The following NDST3 variants were observed in gnomAD, a reference collection of about 807,000 sequenced individuals.
The protein encoded by NDST3 is N-deacetylase and N-sulfotransferase 3, also known as bifunctional heparan sulfate N-deacetylase/N-sulfotransferase 3.
A neutral mutation model predicts 96.1 loss-of-function variants in NDST3; 58 were observed. That is an observed-to-expected ratio of 0.60 (90% CI 0.49 to 0.75). NDST3 has a LOEUF of 0.75. Among genes scored for constraint, NDST3 ranks in the 30% least tolerant of loss-of-function variants. The pLI is 0.00. For synonymous variants in NDST3, 333 were observed against 359.7 expected (o/e 0.93, Z 0.84); for missense variants, 788 against 1,034.2 (o/e 0.76, Z 3.27).
intron 1 of NDST3, among the ~76,000 whole-genome samples, chr4:118,042,116 A>AT (rs1724506358): frequency 6.6e-6 from 1 of 152,042 alleles, no homozygotes; most frequent in South Asian, 2.1e-4. Context: ...TAACATTGTG[A>AT]TTTTGTTATC....
At chr4:118,082,109 T>C (rs1420678143) in intron 2 of NDST3, among the ~76,000 whole-genome samples, 1 of 152,178 alleles carries the variant, frequency 6.6e-6, no homozygotes, top group Non-Finnish European at 1.5e-5. Flanking sequence ...TCACAAAGTC[T>C]CTCTGGTACG....
intron 6 of NDST3, among the ~76,000 whole-genome samples, chr4:118,213,258 G>T (rs1738924723): frequency 6.6e-6 from 1 of 152,114 alleles, no homozygotes; most frequent in African/African-American, 2.4e-5. Flanking sequence ...CTTCCTTTAT[G>T]ATTTGTTCTT....
chr4:118,193,859 T>C lies in NDST3; in HGVS notation c.1540-30632T>C, dbSNP rs548026323. 5.6e-4 allele frequency: 655 copies of C among 1,173,962 alleles called. 7 individuals carry two copies. In the South Asian group the frequency reaches 8.1e-3, roughly 14 times the overall value. 72.7% of individuals were successfully genotyped at this position (1,173,962 alleles called of 1,614,324 possible). On this transcript the variant is annotated intron_variant, in intron 6 of 13. Transcript: ENST00000296499. ...GGCCTGTGCCTTCTGTGTTTCCTCA[T>C]TGGAAAAACTAGACTCATATTCTAC...
At chr4:118,208,217 C>T (rs76412295) in intron 6 of NDST3, among the ~76,000 whole-genome samples, 1,977 of 143,944 alleles carry the variant, frequency 0.014, 266 homozygotes, top group African/African-American at 0.048. Flanking sequence ...GGTTTAGTTA[C>T]AGTCTTTTAT....
intron 6 of NDST3, chr4:118,194,100 C>G (rs996009233): frequency 7.3e-7 from 1 of 1,367,534 alleles, no homozygotes; most frequent in Non-Finnish European, 1.0e-6. Flanking sequence ...CTAACACTGC[C>G]AAAAGCATAG....
chr4:118,168,403 T>C (rs1299613188), intron 6 of NDST3, among the ~76,000 whole-genome samples: 1 of 152,004 alleles, frequency 6.6e-6, no homozygotes, highest in East Asian at 1.9e-4. Context: ...TATATAAATA[T>C]AAGTAAGTGC....
chr4:118,068,157 A>ACTTGATCT (rs1316023911), intron 2 of NDST3, among the ~76,000 whole-genome samples: 1 of 141,088 alleles, frequency 7.1e-6, no homozygotes, highest in African/African-American at 2.6e-5. Context: ...AACAGCTTAT[A>ACTTGATCT]CTTGATCTCT....
chr4:118,232,869 G>A (rs17049690), intron 8 of NDST3, 143 bp from the exon 9 acceptor site: 23,081 of 859,168 alleles, frequency 0.027, 477 homozygotes, highest in African/African-American at 0.083. Context: ...TTAAACTGCC[G>A]ATTATCTATT....
At chr4:118,195,887 A>G (rs1737651656) in intron 6 of NDST3, among the ~76,000 whole-genome samples, 1 of 152,202 alleles carries the variant, frequency 6.6e-6, no homozygotes. Flanking sequence ...TACTATGTTG[A>G]ATAACAGTGG....
intron 2 of NDST3, among the ~76,000 whole-genome samples, chr4:118,085,742 A>C (rs1198715906): frequency 1.3e-5 from 2 of 152,144 alleles, no homozygotes; most frequent in Non-Finnish European, 2.9e-5. Context: ...CCTCTTTAAA[A>C]TTTTTAGAGG....
chr4:118,045,529 T>C (rs539258017), intron 1 of NDST3, among the ~76,000 whole-genome samples: 8 of 152,342 alleles, frequency 5.3e-5, no homozygotes, highest in East Asian at 1.9e-4. Flanking sequence ...AACTACAATA[T>C]ATAATTTAAA....
chr4:118,151,802 G>A (rs1033134483), intron 6 of NDST3, among the ~76,000 whole-genome samples: 4 of 152,130 alleles, frequency 2.6e-5, no homozygotes, highest in African/African-American at 9.7e-5. Flanking sequence ...TTAAAATAGT[G>A]TTTACTGCTG....
chr4:118,170,545 T>C (rs1193455661), intron 6 of NDST3, among the ~76,000 whole-genome samples: 1 of 152,116 alleles, frequency 6.6e-6, no homozygotes, highest in Non-Finnish European at 1.5e-5. Context: ...CTGGCCAATA[T>C]GGTGAAACCC....
intron 3 of NDST3, among the ~76,000 whole-genome samples, chr4:118,105,665 A>ATT (rs1287536434): frequency 6.6e-6 from 1 of 152,128 alleles, no homozygotes; most frequent in African/African-American, 2.4e-5. Context: ...ACAGTATTCC[A>ATT]TTGTCTGAAC....
At chr4:118,123,647 T>C (rs1480967827) in intron 4 of NDST3, among the ~76,000 whole-genome samples, 1 of 152,118 alleles carries the variant, frequency 6.6e-6, no homozygotes, top group African/African-American at 2.4e-5. Flanking sequence ...AGTACAAGTG[T>C]TTACATGATT....
At chr4:118,175,774 T>A (rs1371583872) in intron 6 of NDST3, among the ~76,000 whole-genome samples, 1 of 152,150 alleles carries the variant, frequency 6.6e-6, no homozygotes, top group Non-Finnish European at 1.5e-5. Context: ...CCTGGACCTG[T>A]GCTGGAAAAG....
chr4:118,034,360 CG>C (rs1724028800), upstream of NDST3: 1 of 152,142 alleles, frequency 6.6e-6, no homozygotes, highest in Non-Finnish European at 1.5e-5. Context: ...CCCTTGGCGA[CG>C]GGTCTTGCAT....
At chr4:118,211,364 T>C (rs35650624) in intron 6 of NDST3, among the ~76,000 whole-genome samples, 6,621 of 152,250 alleles carry the variant, frequency 0.043, 216 homozygotes, top group Non-Finnish European at 0.069. Flanking sequence ...ATGAGCTACA[T>C]AATTATTTTT....
intron 6 of NDST3, among the ~76,000 whole-genome samples, chr4:118,167,054 G>GA (rs907646125): frequency 9.6e-4 from 132 of 138,212 alleles, no homozygotes; most frequent in African/African-American, 2.4e-3. Flanking sequence ...AGTTAGGCAA[G>GA]AAAAAAAAAA....
Sources: allele counts gnomAD v4.1 joint callset (sites outside exome capture counted in the v4.1 genomes callset), GRCh38; gene constraint gnomAD v4.1.1; transcripts MANE v1.5; gene names NCBI Gene and HGNC (gene_info 2026-07-23, HGNC 2026-07-21).